GYPE: variants seen among roughly 807,000 people sequenced by gnomAD.
GYPE encodes the protein glycophorin E (MNS blood group).
Under a neutral mutation model 11.6 loss-of-function variants are expected in GYPE, and 8 were observed. The observed-to-expected ratio is 0.69, with a 90% CI of 0.41 to 1.25. GYPE has a LOEUF of 1.25. Ranked by LOEUF, GYPE falls within the 50% of genes most tolerant of loss-of-function variation. GYPE has a pLI of 0.01. For missense variants in GYPE, 90 were observed against 92.8 expected (o/e 0.97, Z 0.12); for synonymous variants, 28 against 29.6 (o/e 0.94, Z 0.18).
At chr4:143,901,428 A>C (rs902764006) in intron 1 of GYPE, among the ~76,000 whole-genome samples, 1 of 151,366 alleles carries the variant, frequency 6.6e-6, no homozygotes, top group African/African-American at 2.4e-5. Context: ...ATGAGAAAAA[A>C]AAAATAAAAT....
In GYPE at chr4:143,895,516, C is replaced by G. The variant is rs1009062653; in HGVS notation, c.37+9955G>C. 6.7e-5 allele frequency among the ~76,000 whole-genome samples: 10 copies of G among 150,036 alleles called. 1 individual carries two copies. In the South Asian group the frequency reaches 2.2e-3, roughly 33 times the overall value. On this transcript the variant is annotated intron_variant, in intron 1 of 3. Coordinates refer to ENST00000358615, the MANE Select transcript of GYPE (RefSeq NM_198682.3). Reference sequence around the variant, plus strand: ...TCAATGAAATAAAAGAGGATACAAACAAATGGAAGAACATTCCATGCTCAT... The same window carrying G: ...TCAATGAAATAAAAGAGGATACAAAGAAATGGAAGAACATTCCATGCTCAT...
At chr4:143,885,117 A>T (rs1312996548) in intron 1 of GYPE, among the ~76,000 whole-genome samples, 3 of 151,904 alleles carry the variant, frequency 2.0e-5, no homozygotes, top group Non-Finnish European at 4.4e-5. Context: ...ACTTCTTAAC[A>T]TTCCTTTGGT....
chr4:143,905,422 T>C, intron 1 of GYPE, 49 bp downstream of exon 1: 2 of 1,611,548 alleles, frequency 1.2e-6, no homozygotes, highest in Non-Finnish European at 1.7e-6. Context: ...TTTTATTCTA[T>C]GATCTCATAC....
At chr4:143,878,886 C>A (rs1348547742) in intron 2 of GYPE, among the ~76,000 whole-genome samples, 2 of 152,212 alleles carry the variant, frequency 1.3e-5, no homozygotes, top group Middle Eastern at 3.4e-3. Context: ...AATGACCCAA[C>A]AAGTATTCAT....
chr4:143,879,254 A>G (rs1281489253), intron 2 of GYPE, among the ~76,000 whole-genome samples: 1 of 152,146 alleles, frequency 6.6e-6, no homozygotes, highest in Non-Finnish European at 1.5e-5. Flanking sequence ...TCCACATCTT[A>G]CTTATGTCTC....
chr4:143,878,683 A>T (rs1411139435), intron 2 of GYPE: 2 of 492,456 alleles, frequency 4.1e-6, no homozygotes, highest in Admixed American at 4.4e-5. Flanking sequence ...TTCTCCTATA[A>T]AGCGAAATTT....
At chr4:143,883,833 A>G (rs1218811824) in intron 1 of GYPE, among the ~76,000 whole-genome samples, 1 of 152,030 alleles carries the variant, frequency 6.6e-6, no homozygotes, top group African/African-American at 2.4e-5. Flanking sequence ...TAAGAAAAAA[A>G]AACAAAAAGT....
chr4:143,881,986 TA>T (rs1195440282), intron 1 of GYPE, among the ~76,000 whole-genome samples: 2 of 152,128 alleles, frequency 1.3e-5, no homozygotes, highest in Admixed American at 6.6e-5. Flanking sequence ...GAAAGAGTTC[TA>T]AAACCTTTCT....
chr4:143,905,372 T>C (rs1745018694), intron 1 of GYPE, 99 bp downstream of exon 1: 5 of 1,566,760 alleles, frequency 3.2e-6, no homozygotes, highest in African/African-American at 1.4e-5. Flanking sequence ...TACTCATTTA[T>C]GCATTTAAAT....
At chr4:143,874,510 A>C (rs1273805359) in intron 3 of GYPE, among the ~76,000 whole-genome samples, 1 of 152,232 alleles carries the variant, frequency 6.6e-6, no homozygotes, top group African/African-American at 2.4e-5. Context: ...CAGATGCTGA[A>C]CATAGCAGAT....
intron 1 of GYPE, among the ~76,000 whole-genome samples, chr4:143,890,782 A>T (rs1218716463): frequency 6.6e-6 from 1 of 152,124 alleles, no homozygotes; most frequent in African/African-American, 2.4e-5. Flanking sequence ...GCCATCTTAA[A>T]TGTTGGTGTT....
At chr4:143,890,683 G>T (rs1363585999) in intron 1 of GYPE, among the ~76,000 whole-genome samples, 3 of 152,164 alleles carry the variant, frequency 2.0e-5, no homozygotes, top group Non-Finnish European at 2.9e-5. Flanking sequence ...TTCTTACATT[G>T]TCTATGGTTC....
chr4:143,887,629 A>T (rs918932671), intron 1 of GYPE, among the ~76,000 whole-genome samples: 4 of 150,394 alleles, frequency 2.7e-5, no homozygotes, highest in Non-Finnish European at 5.9e-5. Context: ...CATGGGCCTA[A>T]CATATGGAGA....
intron 1 of GYPE, among the ~76,000 whole-genome samples, chr4:143,891,216 C>G (rs1370126614): frequency 6.6e-6 from 1 of 151,132 alleles, no homozygotes; most frequent in Non-Finnish European, 1.5e-5. Context: ...ATATGTAAAC[C>G]AAAGCATAAA....
intron 1 of GYPE, among the ~76,000 whole-genome samples, chr4:143,882,599 C>T (rs1466719040): frequency 6.6e-6 from 1 of 152,104 alleles, no homozygotes; most frequent in African/African-American, 2.4e-5. Context: ...GGGCATGTAA[C>T]AATAAACTTG....
At chr4:143,902,165 A>C (rs902898423) in intron 1 of GYPE, among the ~76,000 whole-genome samples, 7 of 152,072 alleles carry the variant, frequency 4.6e-5, no homozygotes, top group Admixed American at 2.0e-4. Context: ...TGTCATTTTG[A>C]GTAGTTGATA....
chr4:143,889,773 C>A (rs1406961470), intron 1 of GYPE, among the ~76,000 whole-genome samples: 5 of 152,124 alleles, frequency 3.3e-5, no homozygotes, highest in African/African-American at 1.2e-4. Flanking sequence ...TTACTTCATT[C>A]CACACATCTC....
intron 1 of GYPE, among the ~76,000 whole-genome samples, chr4:143,894,043 G>C (rs1038521537): frequency 6.6e-6 from 1 of 151,718 alleles, no homozygotes; most frequent in African/African-American, 2.4e-5. Context: ...TTCCCTTCTC[G>C]CTTCATTTCA....
At chr4:143,901,276 A>C (rs2149917059) in intron 1 of GYPE, among the ~76,000 whole-genome samples, 2 of 152,312 alleles carry the variant, frequency 1.3e-5, no homozygotes, top group Middle Eastern at 6.8e-3. Flanking sequence ...GTATAGTCAT[A>C]GTCTATGACC....
Sources: gnomAD v4.1 joint callset for allele counts (sites outside exome capture counted in the v4.1 genomes callset) on GRCh38, gnomAD v4.1.1 for gene constraint, MANE v1.5 for transcripts, NCBI Gene and HGNC (gene_info 2026-07-23, HGNC 2026-07-21) for gene names.